CFAP92: variants seen among roughly 807,000 people sequenced by gnomAD.
CFAP92 encodes the protein cilia and flagella associated protein 92 (putative).
In CFAP92, 86 loss-of-function variants were observed where a neutral mutation model predicts 106.3. The observed-to-expected ratio is 0.81, with a 90% CI of 0.68 to 0.97. CFAP92 has a LOEUF of 0.97. Ranked by LOEUF, CFAP92 falls within the 50% of genes least tolerant of loss-of-function variation. The pLI is 0.00. For synonymous variants in CFAP92, 477 were observed against 506.4 expected, an observed-to-expected ratio of 0.94 and a Z score of 0.78; for missense variants, 1,204 against 1,283.8, an observed-to-expected ratio of 0.94 and a Z score of 0.95.
chr3:128,988,592 A>C, intron 3 of CFAP92, 136 bp downstream of exon 3: 1 of 815,194 alleles, frequency 1.2e-6, no homozygotes, highest in East Asian at 2.6e-5. Flanking sequence ...GCAGATTCCC[A>C]CTCAGGAGGT....
In CFAP92 at chr3:128,910,257, T is replaced by G; in HGVS notation, c.*42A>C. 6.4e-7 allele frequency: 1 copy of G among 1,562,534 alleles called. No individual in the cohort carries two copies. The highest frequency in any genetic ancestry group is 1.8e-5 in the Admixed American group (1 of 54,090). ...GTGTGGTCGGGTGTGGGGGAGGCTG[T>G]GCAGGTTCACCATGCGGTGGCCGTG... On this transcript the variant is annotated 3_prime_UTR_variant, in exon 16 of 16. Transcript: ENST00000645291.
chr3:129,023,883 A>C, the CFAP92 span, among the ~76,000 whole-genome samples: 1 of 152,200 alleles, frequency 6.6e-6, no homozygotes, highest in African/African-American at 2.4e-5. Context: ...GGTAGGACTC[A>C]ACCCATGTCT....
chr3:128,965,537 G>A lies in CFAP92; in HGVS notation c.1327C>T (p.Gln443Ter). ...KIKCASCLPS[Q>*]PVPIQELERL... ...TCTAGTTCCTGAATGGGTACAGGCTGTGATGGAAGGCAGGAAGCACACTTG... is the reference window on the plus strand; with the variant it reads ...TCTAGTTCCTGAATGGGTACAGGCTATGATGGAAGGCAGGAAGCACACTTG... Residue 443 changes from glutamine (Q) to a stop codon, truncating the protein, a stop_gained, in exon 9 of 16, where the codon CAG becomes TAG. Transcript: ENST00000645291. LOFTEE classifies it high-confidence loss of function. 5.0e-6 allele frequency: 2 copies of A among 399,034 alleles called. No individual in the cohort carries two copies. The highest frequency in any genetic ancestry group is 8.8e-6 in the Non-Finnish European group (2 of 226,078). 24.7% of individuals were successfully genotyped at this position (399,034 alleles called of 1,614,324 possible).
chr3:128,964,018 C>A (rs902493205), intron 9 of CFAP92, among the ~76,000 whole-genome samples: 16 of 152,164 alleles, frequency 1.1e-4, no homozygotes, highest in Non-Finnish European at 1.9e-4. Context: ...GAGAAGGCCA[C>A]CGCAGTCATT....
intron 9 of CFAP92, among the ~76,000 whole-genome samples, chr3:128,953,752 A>C (rs1576499197): frequency 8.6e-6 from 1 of 116,550 alleles, no homozygotes; most frequent in Non-Finnish European, 1.6e-5. Context: ...AGTGCCTGCG[A>C]TTGCAGGCAC....
chr3:128,935,127 G>A lies in CFAP92; in HGVS notation c.2451C>T (p.Ala817=), dbSNP rs1326397620. The part of the protein sequence containing the change: ...TERRRVFQAL[A]RIHDICYNST... ...ACATGCGAGCTGCCACTGCCCACCTGGCTAGAGCCTGGAAGACCCGCCTCC... is the reference window on the plus strand; with the variant it reads ...ACATGCGAGCTGCCACTGCCCACCTAGCTAGAGCCTGGAAGACCCGCCTCC... The change falls in exon 11 of 16, where the codon GCC becomes GCT. Residue 817 remains alanine, a splice_region_variant and synonymous_variant. Transcript: ENST00000645291. 1.3e-6 allele frequency: 2 copies of A among 1,521,060 alleles called. No homozygotes were observed. The highest frequency in any genetic ancestry group is 4.0e-5 in the Admixed American group (2 of 50,202). 94.2% of individuals were successfully genotyped at this position (1,521,060 alleles called of 1,614,324 possible). A position where few individuals can be genotyped will look rare whatever the true frequency, so the allele number is the denominator to read the frequency against.
intron 1 of CFAP92, chr3:129,002,504 C>A: frequency 3.2e-6 from 4 of 1,233,788 alleles, no homozygotes; most frequent in Non-Finnish European, 1.1e-6. Flanking sequence ...CCATTCCACT[C>A]CAGTCCCCAA....
intron 7 of CFAP92, among the ~76,000 whole-genome samples, chr3:128,973,104 C>G (rs1241484837): frequency 2.0e-5 from 3 of 152,134 alleles, no homozygotes; most frequent in African/African-American, 4.8e-5. Context: ...GTTATATACC[C>G]CTGTCTGTGA....
chr3:128,957,183 A>G (rs1941507128), intron 9 of CFAP92, among the ~76,000 whole-genome samples: 1 of 152,222 alleles, frequency 6.6e-6, no homozygotes, highest in South Asian at 2.1e-4. Flanking sequence ...GTCTTGGAAC[A>G]TTAGAAAGGA....
chr3:128,916,317 C>T (rs1936815338), intron 12 of CFAP92, 46 bp from the exon 13 acceptor site: 5 of 1,188,792 alleles, frequency 4.2e-6, no homozygotes, highest in Middle Eastern at 3.2e-4. Context: ...GTCATCCTCA[C>T]CCCCCATGCC....
chr3:129,001,592 G>A, intron 1 of CFAP92: 2 of 1,353,670 alleles, frequency 1.5e-6, no homozygotes, highest in South Asian at 1.8e-5. Context: ...GAAGGGACCG[G>A]AGGAGGGACC....
chr3:128,968,216 A>C (rs1942526165), intron 8 of CFAP92: 1 of 152,132 alleles, frequency 6.6e-6, no homozygotes, highest in Admixed American at 6.5e-5. Flanking sequence ...CAGCATCCAA[A>C]CCAGTTCTGT....
At chr3:128,971,085 G>A (rs577393701) in intron 8 of CFAP92, 18 of 683,770 alleles carry the variant, frequency 2.6e-5, no homozygotes, top group Non-Finnish European at 4.1e-5. Context: ...TCCTAGCTGT[G>A]TGATCTCAGG....
intron 15 of CFAP92, among the ~76,000 whole-genome samples, chr3:128,913,477 T>TTACACCAGGTCCCAGTG (rs1559841752): frequency 6.6e-6 from 1 of 151,822 alleles, no homozygotes; most frequent in African/African-American, 2.4e-5. Context: ...ACTTGAAAGA[T>TTACACCAGGTCCCAGTG]TACACCAGGT....
At chr3:129,026,738 G>A in the CFAP92 span, among the ~76,000 whole-genome samples, 5 of 152,104 alleles carry the variant, frequency 3.3e-5, no homozygotes, top group South Asian at 1.0e-3. Flanking sequence ...GTGGAGTAGG[G>A]AGATACTGGC....
chr3:128,922,621 A>C (rs73210615), intron 12 of CFAP92, among the ~76,000 whole-genome samples: 1 of 152,192 alleles, frequency 6.6e-6, no homozygotes, highest in African/African-American at 2.4e-5. Context: ...GCTTTAAATC[A>C]ATGGCCCCAA....
chr3:129,004,049 C>A (rs759442651), upstream of CFAP92: 275 of 1,510,658 alleles, frequency 1.8e-4, no homozygotes, highest in Middle Eastern at 2.3e-4. Context: ...CTGGGTGCGG[C>A]GGCTGGAGGC....
intron 7 of CFAP92, among the ~76,000 whole-genome samples, chr3:128,974,103 A>C (rs1942994695): frequency 1.3e-5 from 2 of 152,200 alleles, no homozygotes; most frequent in Admixed American, 1.3e-4. Context: ...GTCTTTGTGG[A>C]CCGTAGGAAT....
intron 1 of CFAP92, chr3:129,002,327 G>A: frequency 6.6e-7 from 1 of 1,514,580 alleles, no homozygotes; most frequent in Non-Finnish European, 8.8e-7. Flanking sequence ...CACTGCAGGT[G>A]CGCGCCGGCC....
Sources: gnomAD v4.1 joint callset for allele counts (sites outside exome capture counted in the v4.1 genomes callset) on GRCh38, gnomAD v4.1.1 for gene constraint, MANE v1.5 for transcripts, NCBI Gene and HGNC (gene_info 2026-07-23, HGNC 2026-07-21) for gene names.